The following ADGRL2 variants were observed in gnomAD, a reference collection of about 807,000 sequenced individuals.
ADGRL2 encodes the protein adhesion G protein-coupled receptor L2, also known as calcium-independent alpha-latrotoxin receptor 2.
In ADGRL2, 44 loss-of-function variants were observed where a neutral mutation model predicts 157.4. The ratio of observed to expected loss-of-function variants is 0.28; its 90% CI spans 0.22 to 0.36. The LOEUF is 0.36. ADGRL2 is among the 10% of genes least tolerant of loss of function. The pLI is 1.00. For missense variants in ADGRL2, 1,510 were observed against 1,768.9 expected, an observed-to-expected ratio of 0.85 and a Z score of 2.63; for synonymous variants, 585 against 624.7, an observed-to-expected ratio of 0.94 and a Z score of 0.95.
chr1:81,567,746 T>A (rs1040891824), intron 2 of ADGRL2, among the ~76,000 whole-genome samples: 1 of 152,110 alleles, frequency 6.6e-6, no homozygotes, highest in Non-Finnish European at 1.5e-5. Flanking sequence ...AAACAAACAA[T>A]ATTATGAAAG....
intron 3 of ADGRL2, among the ~76,000 whole-genome samples, chr1:81,589,510 A>G (rs1424671476): frequency 6.6e-6 from 1 of 152,158 alleles, no homozygotes; most frequent in Non-Finnish European, 1.5e-5. Context: ...CCTAGTAAAT[A>G]TATCACATGC....
chr1:81,481,807 CT>C (rs2078394603), intron 2 of ADGRL2, among the ~76,000 whole-genome samples: 1 of 152,146 alleles, frequency 6.6e-6, no homozygotes. Context: ...ATGTCAATTC[CT>C]TGTCATCCTG....
At chr1:81,598,319 G>A (rs1006856648) in intron 3 of ADGRL2, among the ~76,000 whole-genome samples, 26 of 152,176 alleles carry the variant, frequency 1.7e-4, no homozygotes, top group African/African-American at 6.3e-4. Flanking sequence ...CCTGGATAGA[G>A]TAAAATAGAT....
chr1:81,822,020 A>G (rs1248326873), intron 1 of ADGRL2, among the ~76,000 whole-genome samples: 3 of 137,178 alleles, frequency 2.2e-5, no homozygotes, highest in Non-Finnish European at 4.6e-5. Context: ...TATAGGTAAT[A>G]TCAGAAACTT....
At chr1:81,843,029 G>A (rs761367202) in intron 2 of ADGRL2, among the ~76,000 whole-genome samples, 9 of 152,104 alleles carry the variant, frequency 5.9e-5, no homozygotes, top group Non-Finnish European at 1.0e-4. Flanking sequence ...TAAATTAATA[G>A]GAATTGTGTA....
intron 2 of ADGRL2, among the ~76,000 whole-genome samples, chr1:81,870,865 A>T (rs1436539099): frequency 6.6e-6 from 1 of 151,436 alleles, no homozygotes. Context: ...TACTTTTTGA[A>T]AACTTTGTAC....
chr1:81,903,413 C>T (rs2151676293), intron 2 of ADGRL2, among the ~76,000 whole-genome samples: 1 of 152,008 alleles, frequency 6.6e-6, no homozygotes, highest in East Asian at 1.9e-4. Context: ...AGCAAAATGG[C>T]TTGAGTAGTC....
chr1:81,383,295 C>A (rs1166107084), intron 1 of ADGRL2, among the ~76,000 whole-genome samples: 1 of 152,098 alleles, frequency 6.6e-6, no homozygotes. Flanking sequence ...AAACATCTCA[C>A]TTAAAATATA....
At position 81,718,339 on chromosome 1, in the gene ADGRL2, C is replaced by A. The variant is rs1037307537; in HGVS notation, c.-143+18531C>A. 2.0e-5 allele frequency among the ~76,000 whole-genome samples: 3 copies of A among 152,056 alleles called. No homozygotes were observed. The South Asian group carries it at 6.2e-4, about 32-fold the overall frequency. ...TGGGAGAAAAGATTGTCCATATTTTCTTAAGGAAACATAATGCAAAATCTG... is the reference window on the plus strand; with the variant it reads ...TGGGAGAAAAGATTGTCCATATTTTATTAAGGAAACATAATGCAAAATCTG... On this transcript the variant is annotated intron_variant, in intron 1 of 20. Transcript: ENST00000359929.
In ADGRL2 at chr1:81,822,028, CT is replaced by C. The variant is rs10653806; in HGVS notation, c.-100-14842del. Among the ~76,000 whole-genome samples the C allele has an allele frequency of 1.8e-3, 227 of 125,164 alleles. 13 individuals are homozygous for C. The South Asian group carries it at 0.041, about 23-fold the overall frequency. The allele number at this position is 125,164 out of a possible 152,430, so 82.1% of individuals were successfully genotyped here. A position where few individuals can be genotyped will look rare whatever the true frequency, so the allele number is the denominator to read the frequency against. On this transcript the variant is annotated intron_variant, in intron 1 of 23. Coordinates refer to ENST00000686636, the MANE Select transcript of ADGRL2 (RefSeq NM_001366006.2). ...TGTGCATTATAGGTAATATCAGAAA[CT>C]TTTTTTTTTTTTTTGCAAAGCATAG...
intron 1 of ADGRL2, 49 bp from the exon 2 acceptor site, chr1:81,836,836 G>A: frequency 5.8e-6 from 3 of 519,662 alleles, no homozygotes; most frequent in Non-Finnish European, 1.0e-5. Context: ...GAATTGTTTT[G>A]TTATGTAGAA....
chr1:81,824,855 T>A (rs372786589), intron 1 of ADGRL2, among the ~76,000 whole-genome samples: 29 of 152,226 alleles, frequency 1.9e-4, no homozygotes, highest in African/African-American at 6.5e-4. Context: ...TCAGAAATAT[T>A]GAGCAAGTAA....
At chr1:81,636,108 A>G (rs976617906) in intron 3 of ADGRL2, among the ~76,000 whole-genome samples, 4 of 152,090 alleles carry the variant, frequency 2.6e-5, no homozygotes, top group African/African-American at 7.2e-5. Context: ...AGACTGGCTG[A>G]CCTAAGGCCT....
At chr1:81,970,710 G>A (rs1230910122) in intron 16 of ADGRL2, among the ~76,000 whole-genome samples, 176 bp downstream of exon 16, 3 of 152,104 alleles carry the variant, frequency 2.0e-5, no homozygotes, top group Non-Finnish European at 4.4e-5. Context: ...TGGGTTCAGA[G>A]GATTTGTACT....
intron 3 of ADGRL2, among the ~76,000 whole-genome samples, chr1:81,667,100 G>T (rs1440912867): frequency 6.6e-6 from 1 of 152,074 alleles, no homozygotes; most frequent in Non-Finnish European, 1.5e-5. Flanking sequence ...GGATATTTTT[G>T]CCTCTGATTA....
At chr1:81,467,789 G>C (rs973983424) in intron 2 of ADGRL2, among the ~76,000 whole-genome samples, 1 of 152,016 alleles carries the variant, frequency 6.6e-6, no homozygotes, top group Non-Finnish European at 1.5e-5. Context: ...TCAAATGTAA[G>C]GTTGGTGTTT....
At chr1:81,429,443 C>A (rs776421015) in intron 1 of ADGRL2, among the ~76,000 whole-genome samples, 2 of 152,146 alleles carry the variant, frequency 1.3e-5, no homozygotes, top group Non-Finnish European at 2.9e-5. Flanking sequence ...TCCTGAACAG[C>A]CTGCCTATGT....
At chr1:81,875,799 T>G (rs2093824291) in intron 2 of ADGRL2, among the ~76,000 whole-genome samples, 1 of 152,086 alleles carries the variant, frequency 6.6e-6, no homozygotes, top group Non-Finnish European at 1.5e-5. Flanking sequence ...ATATCTGGCA[T>G]TTGCATTTTT....
chr1:81,683,048 G>A (rs1156313831), intron 3 of ADGRL2, among the ~76,000 whole-genome samples: 14 of 152,198 alleles, frequency 9.2e-5, no homozygotes, highest in African/African-American at 2.2e-4. Context: ...TAGGAGAATC[G>A]TCTGAACCAG....
Sources: gnomAD v4.1 joint callset for allele counts (sites outside exome capture counted in the v4.1 genomes callset) on GRCh38, gnomAD v4.1.1 for gene constraint, MANE v1.5 for transcripts, NCBI Gene and HGNC (gene_info 2026-07-23, HGNC 2026-07-21) for gene names.